Variants in BRD10 observed in about 807,000 individuals in gnomAD.
BRD10 encodes uncharacterized bromodomain-containing protein 10.
chr9:5,950,573 G>A, the BRD10 span, among the ~76,000 whole-genome samples: 1 of 152,142 alleles, frequency 6.6e-6, no homozygotes. Context: ...GTCTTTTGGA[G>A]GATGAAACCA....
At chr9:5,922,509 G>A in the BRD10 span, 1 of 1,613,660 alleles carries the variant, frequency 6.2e-7, no homozygotes, top group Non-Finnish European at 8.5e-7. Context: ...TTTGGTAGTT[G>A]GGTAGAAACA....
chr9:5,887,155 A>G, the BRD10 span, among the ~76,000 whole-genome samples: 1 of 152,122 alleles, frequency 6.6e-6, no homozygotes, highest in Non-Finnish European at 1.5e-5. Context: ...GCTACTCAGG[A>G]GGCTGAGGCA....
chr9:5,916,507 GTATA>G, the BRD10 span, among the ~76,000 whole-genome samples: 1 of 145,066 alleles, frequency 6.9e-6, no homozygotes, highest in African/African-American at 2.6e-5. Context: ...ATATGTATGT[GTATA>G]TATACATATG....
At chr9:5,987,834 A>G in the BRD10 span, among the ~76,000 whole-genome samples, 6 of 152,284 alleles carry the variant, frequency 3.9e-5, no homozygotes, top group Admixed American at 6.5e-5. Context: ...TAAATTGAAA[A>G]GTTATATAAA....
At chr9:5,895,384 T>C in the BRD10 span, among the ~76,000 whole-genome samples, 1 of 142,694 alleles carries the variant, frequency 7.0e-6, no homozygotes, top group Non-Finnish European at 1.5e-5. Flanking sequence ...GGCCATCTTC[T>C]TTTTTTTTTT....
chr9:5,982,000 ACAC>A, the BRD10 span, among the ~76,000 whole-genome samples: 1 of 152,040 alleles, frequency 6.6e-6, no homozygotes, highest in Admixed American at 6.6e-5. Context: ...ATGTAACCAA[ACAC>A]CACCTGTTCC....
chr9:5,999,212 G>C, the BRD10 span, among the ~76,000 whole-genome samples: 31 of 152,102 alleles, frequency 2.0e-4, no homozygotes, highest in Middle Eastern at 3.4e-3. Flanking sequence ...TGAGAACAGA[G>C]AGAAGATTGA....
At chr9:5,905,559 G>T in the BRD10 span, among the ~76,000 whole-genome samples, 26 of 152,148 alleles carry the variant, frequency 1.7e-4, no homozygotes, top group Admixed American at 1.2e-3. Flanking sequence ...ACTGACTCTG[G>T]TATAGCATCA....
the BRD10 span, chr9:5,988,465 G>C: frequency 6.2e-7 from 1 of 1,613,752 alleles, no homozygotes; most frequent in African/African-American, 1.3e-5. Flanking sequence ...CCTTGTTGAG[G>C]TACATGCAGT....
At chr9:5,919,696 T>C in the BRD10 span, 1 of 1,608,592 alleles carries the variant, frequency 6.2e-7, no homozygotes, top group South Asian at 1.1e-5. Flanking sequence ...AAGATGCAGC[T>C]CTGTCAGGCT....
chr9:5,907,553 T>C, the BRD10 span, among the ~76,000 whole-genome samples: 6 of 152,362 alleles, frequency 3.9e-5, no homozygotes, highest in South Asian at 2.1e-4. Context: ...ATGATTTTTA[T>C]ATTGATTCAC....
At chr9:5,954,081 A>G in the BRD10 span, 2 of 1,548,914 alleles carry the variant, frequency 1.3e-6, no homozygotes, top group Non-Finnish European at 1.8e-6. Context: ...GCTTTTTTAG[A>G]GACGGATTTT....
the BRD10 span, among the ~76,000 whole-genome samples, chr9:6,005,084 C>T: frequency 6.6e-6 from 1 of 152,172 alleles, no homozygotes; most frequent in African/African-American, 2.4e-5. Context: ...AGTTTAATTT[C>T]TAAATATGGA....
the BRD10 span, among the ~76,000 whole-genome samples, chr9:5,930,977 AG>A: frequency 2.0e-5 from 3 of 152,218 alleles, no homozygotes; most frequent in Non-Finnish European, 4.4e-5. Context: ...TTTGGCTTCA[AG>A]AAGTCAAATG....
At chr9:5,968,298 T>G in the BRD10 span, 1 of 1,611,478 alleles carries the variant, frequency 6.2e-7, no homozygotes, top group Non-Finnish European at 8.5e-7. Context: ...TGACTTCCAT[T>G]TACATGTATT....
chr9:5,895,835 G>A, the BRD10 span, among the ~76,000 whole-genome samples: 1 of 152,218 alleles, frequency 6.6e-6, no homozygotes, highest in Non-Finnish European at 1.5e-5. Context: ...GGCATACCCT[G>A]GTGCTTTTCG....
At chr9:5,921,797 G>C in the BRD10 span, 12 of 1,613,980 alleles carry the variant, frequency 7.4e-6, no homozygotes, top group East Asian at 2.2e-4. Context: ...AGAACAAATA[G>C]AGGACTTCAA....
chr9:5,986,316 T>G, the BRD10 span, among the ~76,000 whole-genome samples: 1 of 152,248 alleles, frequency 6.6e-6, no homozygotes, highest in Non-Finnish European at 1.5e-5. Context: ...TTCCTTTTTA[T>G]GGCTGCAGAG....
the BRD10 span, among the ~76,000 whole-genome samples, chr9:5,896,923 G>A: frequency 3.9e-5 from 6 of 152,218 alleles, no homozygotes; most frequent in African/African-American, 1.2e-4. Context: ...GGAGCAAAGC[G>A]GGGAGTTTAG....
Sources: gnomAD v4.1 joint callset for allele counts (sites outside exome capture counted in the v4.1 genomes callset) on GRCh38, gnomAD v4.1.1 for gene constraint, MANE v1.5 for transcripts, NCBI Gene and HGNC (gene_info 2026-07-23, HGNC 2026-07-21) for gene names.